NSMCE2: variants seen among roughly 807,000 people sequenced by gnomAD.
NSMCE2 encodes the protein E3 SUMO-protein ligase NSE2.
Under a neutral mutation model 23.8 loss-of-function variants are expected in NSMCE2, and 24 were observed. The ratio of observed to expected loss-of-function variants is 1.01; its 90% CI spans 0.73 to 1.42. NSMCE2 has a LOEUF of 1.42. Ranked by LOEUF, NSMCE2 falls within the 40% of genes most tolerant of loss-of-function variation. The pLI, the probability that NSMCE2 is intolerant of heterozygous loss-of-function variation, is 0.00. For missense variants in NSMCE2, 284 were observed against 296.5 expected (o/e 0.96, Z 0.31); for synonymous variants, 92 against 94.1 (o/e 0.98, Z 0.13).
At chr8:125,147,739 C>T (rs879651474) in intron 3 of NSMCE2, among the ~76,000 whole-genome samples, 1 of 152,158 alleles carries the variant, frequency 6.6e-6, no homozygotes, top group Non-Finnish European at 1.5e-5. Context: ...CCACCCCAAC[C>T]CCCAGCAACT....
intron 5 of NSMCE2, among the ~76,000 whole-genome samples, chr8:125,253,875 C>T (rs931574136): frequency 5.3e-5 from 8 of 152,126 alleles, no homozygotes; most frequent in African/African-American, 1.9e-4. Context: ...TGGTAAAATG[C>T]TACCACATAT....
At chr8:125,284,984 T>C (rs1827839641) in intron 5 of NSMCE2, among the ~76,000 whole-genome samples, 2 of 152,218 alleles carry the variant, frequency 1.3e-5, no homozygotes, top group South Asian at 4.1e-4. Flanking sequence ...TAGGAAAGAA[T>C]AGCAACAGCT....
intron 5 of NSMCE2, among the ~76,000 whole-genome samples, chr8:125,264,788 G>A (rs1436572247): frequency 6.6e-6 from 1 of 152,138 alleles, no homozygotes; most frequent in Non-Finnish European, 1.5e-5. Flanking sequence ...CCATCTTGCA[G>A]CCTCATTAAC....
At chr8:125,302,310 G>A (rs1828597930) in intron 5 of NSMCE2, among the ~76,000 whole-genome samples, 1 of 152,180 alleles carries the variant, frequency 6.6e-6, no homozygotes, top group African/African-American at 2.4e-5. Flanking sequence ...GCTAGGCACT[G>A]TTAAAAGCAT....
intron 5 of NSMCE2, among the ~76,000 whole-genome samples, chr8:125,215,569 G>A (rs1370270401): frequency 2.0e-5 from 3 of 152,118 alleles, no homozygotes; most frequent in Admixed American, 6.5e-5. Context: ...TAATGGGATG[G>A]CTGGGTCAAA....
intron 3 of NSMCE2, among the ~76,000 whole-genome samples, chr8:125,146,678 T>C (rs972533246): frequency 2.0e-5 from 3 of 151,992 alleles, no homozygotes; most frequent in Admixed American, 6.5e-5. Context: ...TTCTCACTCA[T>C]AGGTGGGAAT....
chr8:125,112,789 T>C (rs1447512985), intron 3 of NSMCE2, among the ~76,000 whole-genome samples: 2 of 152,094 alleles, frequency 1.3e-5, no homozygotes, highest in Non-Finnish European at 2.9e-5. Context: ...GATACAAAAT[T>C]ACCATTAGGA....
intron 4 of NSMCE2, among the ~76,000 whole-genome samples, chr8:125,166,286 G>A (rs1201655053): frequency 1.3e-5 from 2 of 151,898 alleles, no homozygotes; most frequent in Admixed American, 6.6e-5. Context: ...GTTTTATTTT[G>A]AGACAGAGTC....
At chr8:125,156,837 C>T (rs973402637) in intron 4 of NSMCE2, among the ~76,000 whole-genome samples, 3 of 152,204 alleles carry the variant, frequency 2.0e-5, no homozygotes, top group African/African-American at 7.2e-5. Context: ...TGCCTCCTTG[C>T]TGTTCACCCT....
chr8:125,210,468 A>G (rs1022661157), intron 5 of NSMCE2, among the ~76,000 whole-genome samples: 5 of 152,200 alleles, frequency 3.3e-5, no homozygotes, highest in African/African-American at 4.8e-5. Flanking sequence ...TAGACATTCA[A>G]TAAGTGCATG....
At chr8:125,354,930 C>T (rs1813189770) in intron 5 of NSMCE2, among the ~76,000 whole-genome samples, 1 of 152,198 alleles carries the variant, frequency 6.6e-6, no homozygotes, top group Non-Finnish European at 1.5e-5. Flanking sequence ...GAAAATTCCA[C>T]ATCTGGCCTC....
intron 5 of NSMCE2, among the ~76,000 whole-genome samples, chr8:125,314,331 C>G (rs1458443479): frequency 3.9e-5 from 6 of 151,950 alleles, no homozygotes; most frequent in African/African-American, 1.5e-4. Context: ...CTTGTCGCAC[C>G]CAGGCTGGAG....
rs375865994 is a variant in NSMCE2, at chr8:125,260,136, C to G, written c.418+77880C>G. On this transcript the variant is annotated intron_variant, in intron 5 of 7. Coordinates refer to ENST00000287437, the MANE Select transcript of NSMCE2 (RefSeq NM_173685.4). Reference sequence around the variant, plus strand: ...TGTCGAAGCCAGAGCTGGAACACACCCTACTACACGACTCTTGGGATTGGG... The same window carrying G: ...TGTCGAAGCCAGAGCTGGAACACACGCTACTACACGACTCTTGGGATTGGG... Among the ~76,000 whole-genome samples the G allele has an allele frequency of 1.2e-4, 18 of 152,274 alleles. No individual in the cohort carries two copies. The East Asian group carries it at 2.5e-3, about 21-fold the overall frequency.
intron 5 of NSMCE2, among the ~76,000 whole-genome samples, chr8:125,330,833 C>G (rs1457192720): frequency 2.0e-5 from 3 of 152,112 alleles, no homozygotes; most frequent in Non-Finnish European, 4.4e-5. Flanking sequence ...CCTCTAGGCC[C>G]CAGCTGTCAA....
At chr8:125,316,634 CTTTA>C (rs35755944) in intron 5 of NSMCE2, among the ~76,000 whole-genome samples, 31 of 55,288 alleles carry the variant, frequency 5.6e-4, no homozygotes, top group African/African-American at 9.3e-4. Flanking sequence ...TCTTTCCTTT[CTTTA>C]TTTCCTTCTT....
At chr8:125,149,123 T>TA (rs1332536180) in intron 3 of NSMCE2, among the ~76,000 whole-genome samples, 1 of 152,190 alleles carries the variant, frequency 6.6e-6, no homozygotes, top group Non-Finnish European at 1.5e-5. Context: ...ACCATTTTGT[T>TA]AAACATATAT....
chr8:125,170,415 T>TTTTTTTTTTTTTA (rs1199459816), intron 4 of NSMCE2, among the ~76,000 whole-genome samples: 2 of 93,198 alleles, frequency 2.1e-5, no homozygotes, highest in Admixed American at 1.3e-4. Context: ...TTTTTTTTTT[T>TTTTTTTTTTTTTA]AAGACAGAGT....
chr8:125,222,257 A>G (rs948377382), intron 5 of NSMCE2, among the ~76,000 whole-genome samples: 2 of 152,078 alleles, frequency 1.3e-5, no homozygotes, highest in Admixed American at 1.3e-4. Flanking sequence ...TTGAGAAATA[A>G]TAATTATATA....
chr8:125,237,711 T>C (rs905463801), intron 5 of NSMCE2, among the ~76,000 whole-genome samples: 3 of 152,226 alleles, frequency 2.0e-5, no homozygotes, highest in Admixed American at 1.3e-4. Context: ...AAATCTGCAT[T>C]CCTGAGTCCA....
Sources: allele counts gnomAD v4.1 joint callset (sites outside exome capture counted in the v4.1 genomes callset), GRCh38; gene constraint gnomAD v4.1.1; transcripts MANE v1.5; gene names NCBI Gene and HGNC (gene_info 2026-07-23, HGNC 2026-07-21).